OR4D9: variants seen among roughly 807,000 people sequenced by gnomAD.
OR4D9 encodes olfactory receptor family 4 subfamily D member 9.
In OR4D9, 2 loss-of-function variants were observed where a neutral mutation model predicts 0.8. That is an observed-to-expected ratio of 2.58 (90% CI 1.06 to 8.13). The LOEUF (loss-of-function observed/expected upper bound fraction) is 8.13. Among genes scored for constraint, OR4D9 ranks in the 30% most tolerant of loss-of-function variants. OR4D9 has a pLI of 0.04. For synonymous variants in OR4D9, 146 were observed against 151.2 expected (o/e 0.97, Z 0.25); for missense variants, 399 against 384.7 (o/e 1.04, Z -0.31).
In OR4D9 at chr11:59,515,178, C is replaced by T. The variant is rs76276934; in HGVS notation, c.266C>T (p.Thr89Ile). 3.6e-3 allele frequency: 5,759 copies of T among 1,614,100 alleles called. 181 individuals carry two copies. The African/African-American group carries it at 0.067, about 19-fold the overall frequency. ...PKVLIDLLSETKTISFSGCVT... is the reference protein window; with the variant it reads ...PKVLIDLLSEIKTISFSGCVT... ...GTCCTGATAGATCTTCTATCAGAGACAAAAACCATCTCCTTCAGTGGCTGT... is the reference window on the plus strand; with the variant it reads ...GTCCTGATAGATCTTCTATCAGAGATAAAAACCATCTCCTTCAGTGGCTGT... Residue 89 changes from threonine to isoleucine, a missense_variant, in exon 3 of 3, where the codon ACA becomes ATA. Physicochemically the swap from Thr to Ile is moderately conservative, Grantham distance 89. Transcript: ENST00000641962.
At position 59,520,505 on chromosome 11, in the gene OR4D9, A is replaced by C. The variant is rs536183077; in HGVS notation, c.*4648A>C. Reference sequence around the variant, plus strand: ...GGGATAGCATTAGGAGATATACCTAATGCTAAATGACGAGTTAATGGGCAC... The same window carrying C: ...GGGATAGCATTAGGAGATATACCTACTGCTAAATGACGAGTTAATGGGCAC... On this transcript the variant is annotated 3_prime_UTR_variant, in exon 3 of 3. Transcript: ENST00000641962. 2.0e-5 allele frequency: 3 copies of C among 151,164 alleles called. No individual in the cohort carries two copies. Among genetic ancestry groups the C allele is most frequent in the South Asian group, 2.1e-4 (1 of 4,720 alleles). The allele number at this position is 151,164 out of a possible 1,614,324, so 9.4% of individuals were successfully genotyped here.
rs1235901774 is a variant in OR4D9 at position 59,515,056 on chromosome 11, A to G, written c.144A>G (p.Thr48=). The G allele has an allele frequency of 1.2e-6, 2 of 1,613,990 alleles. No homozygotes were observed. The highest frequency in any genetic ancestry group is 2.7e-5 in the African/African-American group (2 of 74,908). Residue 48 remains threonine (T), a synonymous_variant, in exon 3 of 3, where the codon ACA becomes ACG. Coordinates refer to ENST00000641962, the MANE Select transcript of OR4D9 (RefSeq NM_001004711.2). ...TLMGNFLIMV[T]VTCESHLHTP... ...TGGGAAACTTCCTCATCATGGTTAC[A>G]GTTACCTGTGAATCTCACCTTCATA...
rs539518161 is a variant in OR4D9 at position 59,514,780 on chromosome 11, G to A, written c.-31+14G>A. 1 of 642,030 alleles carries A rather than the reference G, an allele frequency of 1.6e-6. No homozygotes were observed. The highest frequency in any genetic ancestry group is 2.0e-5 in the South Asian group (1 of 50,414). 39.8% of individuals were successfully genotyped at this position (642,030 alleles called of 1,614,324 possible). On this transcript the variant is annotated intron_variant, in intron 2 of 2. Transcript: ENST00000641962. ...CTTGCAGACACAGTGAGTGCATAGG[G>A]AAAAGAGCTTCCTCCTAATTCTGAG...
chr11:59,516,675 A>G lies in OR4D9; in HGVS notation c.*818A>G, dbSNP rs1488837066. The G allele has an allele frequency of 2.6e-5, 4 of 152,144 alleles. No homozygotes were observed. The highest frequency in any genetic ancestry group is 2.0e-4 in the Admixed American group (3 of 15,264). The allele number at this position is 152,144 out of a possible 1,614,324, so 9.4% of individuals were successfully genotyped here. ...CCACATGAGGTGTCTTATGCCTGTA[A>G]TCTTAGCACTTTGGGAGGCTGAGGT... On this transcript the variant is annotated 3_prime_UTR_variant, in exon 3 of 3. Transcript: ENST00000641962.
At position 59,516,213 on chromosome 11, in the gene OR4D9, G is replaced by A. The variant is rs1369701604; in HGVS notation, c.*356G>A. 1.1e-5 allele frequency: 2 copies of A among 175,032 alleles called. No homozygotes were observed. Among genetic ancestry groups the A allele is most frequent in the African/African-American group, 4.8e-5 (2 of 41,808 alleles). The allele number at this position is 175,032 out of a possible 1,614,324, so 10.8% of individuals were successfully genotyped here. A position where few individuals can be genotyped will look rare whatever the true frequency, so the allele number is the denominator to read the frequency against. ...AAAATATAAACAGGCCAGGCGTGGT[G>A]GCTCACACCTGTAATCCCAGCACTT... On this transcript the variant is annotated 3_prime_UTR_variant, in exon 3 of 3. Coordinates refer to ENST00000641962, the MANE Select transcript of OR4D9 (RefSeq NM_001004711.2).
At chr11:59,514,178 CTT>C (rs1859369232) in intron 1 of OR4D9, among the ~76,000 whole-genome samples, 1 of 152,142 alleles carries the variant, frequency 6.6e-6, no homozygotes, top group South Asian at 2.1e-4. Context: ...TATATACTGT[CTT>C]AGCAGAGATA....
chr11:59,515,552 C>T lies in OR4D9; in HGVS notation c.640C>T (p.Leu214Phe), dbSNP rs749509416. Reference sequence around the variant, plus strand: ...AGTCAGTTGGTTTGTATTCTTCTTTCTCCTCATATCTTACACGGTCATCTT... The same window carrying T: ...AGTCAGTTGGTTTGTATTCTTCTTTTTCCTCATATCTTACACGGTCATCTT... Reference protein sequence around the residue: ...GLVSWFVFFFLLISYTVILMM... With the variant: ...GLVSWFVFFFFLISYTVILMM... The change falls in exon 3 of 3, where the codon CTC (leucine) becomes TTC (phenylalanine). Residue 214 changes from leucine to phenylalanine, a missense_variant. By Grantham distance (22) the Leu-to-Phe change is conservative (BLOSUM62 0). Coordinates refer to ENST00000641962, the MANE Select transcript of OR4D9 (RefSeq NM_001004711.2). The T allele has an allele frequency of 3.7e-6, 6 of 1,614,054 alleles. No homozygotes were observed. Among genetic ancestry groups the T allele is most frequent in the Non-Finnish European group, 5.1e-6 (6 of 1,180,054 alleles).
In OR4D9 at chr11:59,520,189, T is replaced by C. The variant is rs185592963; in HGVS notation, c.*4332T>C. The C allele has an allele frequency of 6.6e-6, 1 of 152,124 alleles. No homozygotes were observed. Among genetic ancestry groups the C allele is most frequent in the East Asian group, 1.9e-4 (1 of 5,170 alleles). The allele number at this position is 152,124 out of a possible 1,614,324, so 9.4% of individuals were successfully genotyped here. A position where few individuals can be genotyped will look rare whatever the true frequency, so the allele number is the denominator to read the frequency against. On this transcript the variant is annotated 3_prime_UTR_variant, in exon 3 of 3. Transcript: ENST00000641962. Reference sequence around the variant, plus strand: ...GTTCTATCTCATGGAACCCTGCCCTTCTAGTCACTACCTGGGTGACAAAAT... The same window carrying C: ...GTTCTATCTCATGGAACCCTGCCCTCCTAGTCACTACCTGGGTGACAAAAT...
chr11:59,513,819 A>G (rs2134585001), intron 1 of OR4D9, among the ~76,000 whole-genome samples: 1 of 152,236 alleles, frequency 6.6e-6, no homozygotes, highest in South Asian at 2.1e-4. Flanking sequence ...AAAAGAAAAA[A>G]ATTATTCAGG....
rs180923392 is a variant in OR4D9, at chr11:59,520,138, A to G, written c.*4281A>G. ...ACTACCAAGATTGTCTTCTTGGCCA[A>G]TCTTCTTTGGGCACTCTACCCTAAT... On this transcript the variant is annotated 3_prime_UTR_variant, in exon 3 of 3. Transcript: ENST00000641962. 17 of 151,810 alleles carry G rather than the reference A, an allele frequency of 1.1e-4. No homozygotes were observed. The highest frequency in any genetic ancestry group is 3.4e-4 in the African/African-American group (14 of 41,388). The allele number at this position is 151,810 out of a possible 1,614,324, so 9.4% of individuals were successfully genotyped here.
In OR4D9 at chr11:59,520,307, A is replaced by G. The variant is rs1395586578; in HGVS notation, c.*4450A>G. Reference sequence around the variant, plus strand: ...AACCTAAAATAAAAGTTAAACAAAAATGAAATCAATGTTATCTTCTTTGCT... The same window carrying G: ...AACCTAAAATAAAAGTTAAACAAAAGTGAAATCAATGTTATCTTCTTTGCT... On this transcript the variant is annotated 3_prime_UTR_variant, in exon 3 of 3. Transcript: ENST00000641962. The G allele has an allele frequency of 6.6e-6, 1 of 151,986 alleles. No homozygotes were observed. The allele number at this position is 151,986 out of a possible 1,614,324, so 9.4% of individuals were successfully genotyped here.
rs1259352757 is a variant in OR4D9 at position 59,515,333 on chromosome 11, T to C, written c.421T>C (p.Cys141Arg). Residue 141 changes from cysteine (C) to arginine (R), a missense_variant, in exon 3 of 3, where the codon TGC (cysteine) becomes CGC (arginine). By Grantham distance (180) the Cys-to-Arg change is radical (BLOSUM62 -3). Coordinates refer to ENST00000641962, the MANE Select transcript of OR4D9 (RefSeq NM_001004711.2). ...TATGACCATCATGAGTAGGGGGCGA[T>C]GCACAGGCCTCATCGTGGCTTCCTG... ...HYMTIMSRGR[C>R]TGLIVASWVG... The C allele has an allele frequency of 1.2e-6, 2 of 1,613,884 alleles. No homozygotes were observed. The highest frequency in any genetic ancestry group is 1.7e-5 in the Admixed American group (1 of 59,998).
chr11:59,511,882 G>T (rs979838083), intron 1 of OR4D9, 136 bp downstream of exon 1: 1 of 152,188 alleles, frequency 6.6e-6, no homozygotes, highest in Non-Finnish European at 1.5e-5. Context: ...AGGTGCTGAC[G>T]TCACCAGCTC....
In OR4D9 at chr11:59,517,232, T is replaced by C. The variant is rs2134588139; in HGVS notation, c.*1375T>C. 1 of 121,022 alleles carries C rather than the reference T, an allele frequency of 8.3e-6. No homozygotes were observed. The highest frequency in any genetic ancestry group is 8.2e-5 in the Admixed American group (1 of 12,204). The allele number at this position is 121,022 out of a possible 1,614,324, so 7.5% of individuals were successfully genotyped here. A position where few individuals can be genotyped will look rare whatever the true frequency, so the allele number is the denominator to read the frequency against. ...CCTGAGCAACAGATCAAGACACTTG[T>C]CAAAAAAAAAAAAGAAAAGAAAAGA... On this transcript the variant is annotated 3_prime_UTR_variant, in exon 3 of 3. Coordinates refer to ENST00000641962, the MANE Select transcript of OR4D9 (RefSeq NM_001004711.2).
In OR4D9 at chr11:59,517,022, T is replaced by A. The variant is rs961139666; in HGVS notation, c.*1165T>A. On this transcript the variant is annotated 3_prime_UTR_variant, in exon 3 of 3. Coordinates refer to ENST00000641962, the MANE Select transcript of OR4D9 (RefSeq NM_001004711.2). Reference sequence around the variant, plus strand: ...AAGCAGAGCTTGCAGTGAGCCGAGATCACACCACTGTACTCCAGCCTGGGC... The same window carrying A: ...AAGCAGAGCTTGCAGTGAGCCGAGAACACACCACTGTACTCCAGCCTGGGC... The A allele has an allele frequency of 3.4e-5, 5 of 149,214 alleles. No homozygotes were observed. The highest frequency in any genetic ancestry group is 1.2e-4 in the African/African-American group (5 of 40,230). 9.2% of individuals were successfully genotyped at this position (149,214 alleles called of 1,614,324 possible). A position where few individuals can be genotyped will look rare whatever the true frequency, so the allele number is the denominator to read the frequency against.
chr11:59,515,913 G>A lies in OR4D9; in HGVS notation c.*56G>A, dbSNP rs1372298380. On this transcript the variant is annotated 3_prime_UTR_variant, in exon 3 of 3. Transcript: ENST00000641962. ...ACATTAAATTTCACTTTCTCAAAAT[G>A]GGAAAGGAGCTTGTTCATGCCCAAA... 46 of 1,313,788 alleles carry A rather than the reference G, an allele frequency of 3.5e-5. No homozygotes were observed. Among genetic ancestry groups the A allele is most frequent in the Non-Finnish European group, 4.7e-5 (45 of 964,376 alleles). The allele number at this position is 1,313,788 out of a possible 1,614,324, so 81.4% of individuals were successfully genotyped here. A position where few individuals can be genotyped will look rare whatever the true frequency, so the allele number is the denominator to read the frequency against.
In OR4D9 at chr11:59,515,673, G is replaced by T; in HGVS notation, c.761G>T (p.Cys254Phe). The T allele has an allele frequency of 6.2e-7, 1 of 1,614,094 alleles. No homozygotes were observed. The highest frequency in any genetic ancestry group is 1.3e-5 in the African/African-American group (1 of 75,014). The change falls in exon 3 of 3, where the codon TGC becomes TTC. Residue 254 changes from cysteine to phenylalanine, a missense_variant. Coordinates refer to ENST00000641962, the MANE Select transcript of OR4D9 (RefSeq NM_001004711.2). The part of the protein sequence containing the change: ...ITVVTLHFVP[C>F]IYVYARPFTA... ...GTGGTGACCCTGCATTTCGTGCCCT[G>T]CATCTATGTCTATGCCCGGCCCTTC...
Position 59,515,162 on chromosome 11 carries a change from G to C in OR4D9, c.250G>C (p.Asp84His), listed in dbSNP as rs757121618. Residue 84 changes from aspartate (D) to histidine (H), a missense_variant, in exon 3 of 3, where the codon GAT (aspartate) becomes CAT (histidine). Coordinates refer to ENST00000641962, the MANE Select transcript of OR4D9 (RefSeq NM_001004711.2). The stretch of plus-strand genomic sequence containing the variant: ...CATCACAGCTCCTAAGGTCCTGATA[G>C]ATCTTCTATCAGAGACAAAAACCAT... The part of the protein sequence containing the change: ...SSITAPKVLI[D>H]LLSETKTISF... 7 of 1,614,010 alleles carry C rather than the reference G, an allele frequency of 4.3e-6. No individual in the cohort carries two copies. In the African/African-American group the frequency reaches 9.3e-5, roughly 22 times the overall value.
Position 59,516,062 on chromosome 11 carries a change from C to A in OR4D9, c.*205C>A. The A allele has an allele frequency of 3.8e-6, 2 of 532,350 alleles. No homozygotes were observed. The highest frequency in any genetic ancestry group is 6.6e-6 in the Non-Finnish European group (2 of 303,132). The allele number at this position is 532,350 out of a possible 1,614,324, so 33.0% of individuals were successfully genotyped here. On this transcript the variant is annotated 3_prime_UTR_variant, in exon 3 of 3. Coordinates refer to ENST00000641962, the MANE Select transcript of OR4D9 (RefSeq NM_001004711.2). ...ACTCAAGTCTTTCCCTACTCACTTT[C>A]AATTATTCATTCCACAAATTTTTAT... is the stretch of plus-strand genomic sequence containing the variant.
Sources: gnomAD v4.1 joint callset for allele counts (sites outside exome capture counted in the v4.1 genomes callset) on GRCh38, gnomAD v4.1.1 for gene constraint, MANE v1.5 for transcripts, NCBI Gene and HGNC (gene_info 2026-07-23, HGNC 2026-07-21) for gene names.